XYLT1: variants seen among roughly 807,000 people sequenced by gnomAD.
XYLT1 encodes beta-D-xylosyltransferase 1.
In XYLT1, 36 loss-of-function variants were observed where a neutral mutation model predicts 91.3. The ratio of observed to expected loss-of-function variants is 0.39; its 90% confidence interval spans 0.30 to 0.52. XYLT1 has a LOEUF of 0.52. Ranked by LOEUF, XYLT1 falls within the 20% of genes least tolerant of loss-of-function variation. The pLI is 0.68. For synonymous variants in XYLT1, 588 were observed against 532.0 expected (o/e 1.11, Z -1.45); for missense variants, 1,242 against 1,284.5 (o/e 0.97, Z 0.51).
intron 2 of XYLT1, among the ~76,000 whole-genome samples, chr16:17,274,902 C>T (rs2033949782): frequency 6.6e-6 from 1 of 152,090 alleles, no homozygotes; most frequent in African/African-American, 2.4e-5. Context: ...CAGGGCCGGG[C>T]ACGGTGGCTC....
At chr16:17,383,205 C>T (rs917299169) in intron 1 of XYLT1, among the ~76,000 whole-genome samples, 5 of 151,880 alleles carry the variant, frequency 3.3e-5, no homozygotes, top group Non-Finnish European at 7.3e-5. Flanking sequence ...AGGAAATGCA[C>T]AGCAGCTTCA....
intron 2 of XYLT1, among the ~76,000 whole-genome samples, chr16:17,294,365 A>G (rs7184893): frequency 0.46 from 69,724 of 151,998 alleles, 16,753 homozygotes; most frequent in African/African-American, 0.58. Flanking sequence ...TGGCCAGCCC[A>G]ACACCGTCAG....
intron 3 of XYLT1, among the ~76,000 whole-genome samples, chr16:17,225,164 C>A (rs1221190820): frequency 1.0e-5 from 1 of 95,548 alleles, no homozygotes; most frequent in Non-Finnish European, 1.9e-5. Context: ...CACACACACA[C>A]ACACACACAC....
At chr16:17,188,578 T>C (rs1016701929) in intron 5 of XYLT1, among the ~76,000 whole-genome samples, 1 of 152,212 alleles carries the variant, frequency 6.6e-6, no homozygotes, top group Non-Finnish European at 1.5e-5. Flanking sequence ...AGGGAAGCCA[T>C]CCGGGCCCTC....
intron 6 of XYLT1, among the ~76,000 whole-genome samples, chr16:17,157,101 C>T (rs1215723486): frequency 1.3e-5 from 2 of 152,042 alleles, no homozygotes; most frequent in African/African-American, 2.4e-5. Flanking sequence ...GTGTGCACCA[C>T]CACACCCGGC....
At chr16:17,248,758 T>C (rs532332769) in intron 3 of XYLT1, among the ~76,000 whole-genome samples, 2 of 150,656 alleles carry the variant, frequency 1.3e-5, no homozygotes, top group East Asian at 3.9e-4. Context: ...TTTTTTTTTT[T>C]TTTTTTTGAG....
chr16:17,466,015 A>G (rs757703817), intron 1 of XYLT1, among the ~76,000 whole-genome samples: 32 of 152,316 alleles, frequency 2.1e-4, no homozygotes, highest in Non-Finnish European at 1.5e-4. Context: ...GGCCTCTTTC[A>G]TTGGTGCCGG....
intron 2 of XYLT1, among the ~76,000 whole-genome samples, chr16:17,268,998 G>A (rs1596458170): frequency 6.6e-6 from 1 of 152,166 alleles, no homozygotes; most frequent in Non-Finnish European, 1.5e-5. Context: ...ATAGAGAGAG[G>A]AACCCAGGCC....
At position 17,382,607 on chromosome 16, in the gene XYLT1, C is replaced by T. The variant is rs527801245; in HGVS notation, c.364-24557G>A. On this transcript the variant is annotated intron_variant, in intron 1 of 11. Coordinates refer to ENST00000261381, the MANE Select transcript of XYLT1 (RefSeq NM_022166.4). ...CGGGGCAGGCCAGCCAAGAGTGCAA[C>T]CAGCACAGCACATGGGAGATGAACT... is the stretch of plus-strand genomic sequence containing the variant. Among the ~76,000 whole-genome samples, 18 of 151,992 alleles carry T rather than the reference C, an allele frequency of 1.2e-4. 1 individual carries two copies. The highest frequency in any genetic ancestry group is 6.6e-4 in the Admixed American group (10 of 15,178).
At chr16:17,124,792 TA>T (rs1567282801) in intron 10 of XYLT1, among the ~76,000 whole-genome samples, 4 of 86,176 alleles carry the variant, frequency 4.6e-5, no homozygotes, top group Non-Finnish European at 1.2e-4. Context: ...GTTCATTTTT[TA>T]AAAATTCTTT....
At chr16:17,182,597 T>A (rs1409113169) in intron 5 of XYLT1, among the ~76,000 whole-genome samples, 1 of 151,212 alleles carries the variant, frequency 6.6e-6, no homozygotes, top group Admixed American at 6.6e-5. Flanking sequence ...CATGGCCTCT[T>A]CTACATCGTA....
At chr16:17,218,927 G>T (rs1027049198) in intron 3 of XYLT1, among the ~76,000 whole-genome samples, 1 of 152,168 alleles carries the variant, frequency 6.6e-6, no homozygotes. Context: ...GTGGCAGGGG[G>T]CAGGGTGTGA....
intron 6 of XYLT1, among the ~76,000 whole-genome samples, chr16:17,154,674 G>T (rs891498051): frequency 2.0e-5 from 3 of 152,186 alleles, no homozygotes; most frequent in African/African-American, 7.2e-5. Flanking sequence ...AAAGCAAGGA[G>T]AAACAGTGAA....
intron 1 of XYLT1, among the ~76,000 whole-genome samples, chr16:17,362,120 A>C (rs1326295220): frequency 6.6e-6 from 1 of 152,200 alleles, no homozygotes; most frequent in Non-Finnish European, 1.5e-5. Flanking sequence ...CTTTCACAAG[A>C]GCTCTGCTGG....
intron 2 of XYLT1, among the ~76,000 whole-genome samples, chr16:17,328,269 G>A (rs1461048834): frequency 6.6e-6 from 1 of 152,008 alleles, no homozygotes; most frequent in African/African-American, 2.4e-5. Context: ...ATGATAGGCC[G>A]GGTGCAGTGG....
intron 1 of XYLT1, among the ~76,000 whole-genome samples, chr16:17,449,253 C>G (rs943749292): frequency 6.6e-6 from 1 of 152,252 alleles, no homozygotes; most frequent in African/African-American, 2.4e-5. Flanking sequence ...AAATCTGCAG[C>G]CCCATCCTGG....
At chr16:17,408,856 A>G (rs2036066567) in intron 1 of XYLT1, among the ~76,000 whole-genome samples, 2 of 152,156 alleles carry the variant, frequency 1.3e-5, no homozygotes, top group African/African-American at 4.8e-5. Flanking sequence ...CTCAAAAAAC[A>G]AAACAAAACA....
chr16:17,321,099 G>C (rs1225291304), intron 2 of XYLT1, among the ~76,000 whole-genome samples: 4 of 151,918 alleles, frequency 2.6e-5, no homozygotes, highest in Non-Finnish European at 5.9e-5. Flanking sequence ...ATCACCTAGA[G>C]AGCTACGAAT....
chr16:17,134,958 TAGTA>T (rs2030655581), intron 8 of XYLT1, among the ~76,000 whole-genome samples: 1 of 151,366 alleles, frequency 6.6e-6, no homozygotes, highest in Non-Finnish European at 1.5e-5. Context: ...GATAGGCACT[TAGTA>T]AGCATCATTT....
Sources: allele counts gnomAD v4.1 joint callset (sites outside exome capture counted in the v4.1 genomes callset), GRCh38; gene constraint gnomAD v4.1.1; transcripts MANE v1.5; gene names NCBI Gene and HGNC (gene_info 2026-07-23, HGNC 2026-07-21).